Variants in PAN3 observed in about 807,000 individuals in gnomAD.
PAN3 encodes poly(A) specific ribonuclease subunit PAN3.
PAN3 carries 19 observed loss-of-function variants against 96.2 expected under a neutral mutation model. The ratio of observed to expected loss-of-function variants is 0.20; its 90% CI spans 0.14 to 0.29. The LOEUF (loss-of-function observed/expected upper bound fraction) is 0.29. Ranked by LOEUF, PAN3 falls within the 10% of genes least tolerant of loss-of-function variation. The probability of loss-of-function intolerance (pLI) is 1.00; values close to 1 mark genes in which losing one functional copy is unlikely to be tolerated. For missense variants in PAN3, 882 were observed against 1,108.1 expected, an observed-to-expected ratio of 0.80 and a Z score of 2.90; for synonymous variants, 433 against 406.6, an observed-to-expected ratio of 1.06 and a Z score of -0.78.
intron 7 of PAN3, among the ~76,000 whole-genome samples, chr13:28,257,402 A>G (rs1264522204): frequency 2.0e-5 from 3 of 151,966 alleles, no homozygotes; most frequent in Admixed American, 6.6e-5. Flanking sequence ...TAGTAGATGA[A>G]GTGAGTGAGA....
chr13:28,257,727 AT>A (rs1478745869), intron 7 of PAN3, among the ~76,000 whole-genome samples: 1 of 137,106 alleles, frequency 7.3e-6, no homozygotes, highest in African/African-American at 2.8e-5. Context: ...ATTAATATAT[AT>A]TATATATAAA....
intron 17 of PAN3, among the ~76,000 whole-genome samples, chr13:28,285,319 C>T (rs765712276): frequency 7.2e-5 from 11 of 152,150 alleles, no homozygotes; most frequent in Non-Finnish European, 1.5e-4. Flanking sequence ...ACTTTCAGTA[C>T]ATAGGTAAGT....
In PAN3 at chr13:28,145,103, C is replaced by T. The variant is rs1870454062; in HGVS notation, c.430+6016C>T. ...TTATTTTGAGATAATTATAGAATCA[C>T]CCGAAATTGTAAGATACAATACGGA... On this transcript the variant is annotated intron_variant, in intron 1 of 18. Coordinates refer to ENST00000380958, the MANE Select transcript of PAN3 (RefSeq NM_175854.8). Among the ~76,000 whole-genome samples, 4 of 152,082 alleles carry T rather than the reference C, an allele frequency of 2.6e-5. No homozygotes were observed. The South Asian group carries it at 8.3e-4, about 31-fold the overall frequency.
intron 15 of PAN3, among the ~76,000 whole-genome samples, chr13:28,279,843 A>G (rs1887324277): frequency 1.3e-5 from 2 of 151,468 alleles, no homozygotes; most frequent in Admixed American, 1.3e-4. Flanking sequence ...TTTGTTGCCC[A>G]GGCTGGAGTG....
chr13:28,223,531 C>T (rs1247305579), intron 6 of PAN3, among the ~76,000 whole-genome samples: 7 of 151,586 alleles, frequency 4.6e-5, no homozygotes, highest in Admixed American at 4.6e-4. Flanking sequence ...CACAGCCTTC[C>T]AAAATTTAAG....
chr13:28,153,390 C>T (rs1032178094), intron 1 of PAN3, among the ~76,000 whole-genome samples: 2 of 151,974 alleles, frequency 1.3e-5, no homozygotes, highest in African/African-American at 4.8e-5. Context: ...CACCCACCAC[C>T]ATGCCTGGCT....
chr13:28,178,065 C>G (rs2138120646), intron 4 of PAN3, 130 bp downstream of exon 4: 1 of 725,070 alleles, frequency 1.4e-6, no homozygotes, highest in East Asian at 2.8e-5. Context: ...TTTTTCCTGC[C>G]TTTTGTTTAT....
chr13:28,213,937 C>G (rs1439476628), intron 5 of PAN3, among the ~76,000 whole-genome samples: 1 of 152,024 alleles, frequency 6.6e-6, no homozygotes, highest in Non-Finnish European at 1.5e-5. Flanking sequence ...AGTATGTATT[C>G]CTGAGTACAT....
chr13:28,292,460 T>G lies in PAN3; in HGVS notation c.2602T>G (p.Leu868Val). Residue 868 changes from leucine to valine, a missense_variant, in exon 19 of 19, where the codon TTA (leucine) becomes GTA (valine). Physicochemically the swap from Leu to Val is conservative, Grantham distance 32. Around this residue, in one of 3 missense-constraint regions of PAN3, gnomAD observed 76 missense variants for 171.7 expected, o/e 0.44. Transcript: ENST00000380958. ...TGTACTTGTGGTGACCTACAGTGAC[T>G]TAAAGCGCTGCTTTGAAAATACTTT... The part of the protein sequence containing the change: ...KSVLVVTYSD[L>V]KRCFENTFQE... The G allele has an allele frequency of 6.2e-7, 1 of 1,612,848 alleles. No individual in the cohort carries two copies. The highest frequency in any genetic ancestry group is 8.5e-7 in the Non-Finnish European group (1 of 1,179,624).
chr13:28,231,483 G>T (rs1019097933), intron 6 of PAN3, among the ~76,000 whole-genome samples: 3 of 152,038 alleles, frequency 2.0e-5, no homozygotes, highest in Non-Finnish European at 4.4e-5. Flanking sequence ...AAAGCTTTAA[G>T]GTACTTAATT....
intron 3 of PAN3, among the ~76,000 whole-genome samples, chr13:28,177,323 T>C (rs1875149368): frequency 6.6e-6 from 1 of 152,202 alleles, no homozygotes; most frequent in Non-Finnish European, 1.5e-5. Flanking sequence ...ATTATTTCTG[T>C]CTTAACTTAA....
chr13:28,266,480 T>G (rs1886189063), intron 9 of PAN3, among the ~76,000 whole-genome samples: 2 of 152,258 alleles, frequency 1.3e-5, no homozygotes, highest in South Asian at 4.1e-4. Flanking sequence ...AGGAAATGTT[T>G]TTGAATGTAT....
At chr13:28,289,749 A>G (rs1248980035) in intron 18 of PAN3, among the ~76,000 whole-genome samples, 1 of 152,140 alleles carries the variant, frequency 6.6e-6, no homozygotes, top group Non-Finnish European at 1.5e-5. Context: ...GGGCATGGTG[A>G]CAGGCACCAG....
At chr13:28,201,971 CCTT>C (rs1383112805) in intron 5 of PAN3, among the ~76,000 whole-genome samples, 2 of 152,140 alleles carry the variant, frequency 1.3e-5, no homozygotes, top group African/African-American at 4.8e-5. Context: ...CTCCTATACT[CCTT>C]CTTCAGTTTA....
At chr13:28,218,773 TAA>T (rs1881076771) in intron 5 of PAN3, among the ~76,000 whole-genome samples, 2 of 152,222 alleles carry the variant, frequency 1.3e-5, no homozygotes, top group African/African-American at 4.8e-5. Context: ...AGAAACTGGG[TAA>T]TACCTGTTTC....
intron 5 of PAN3, among the ~76,000 whole-genome samples, chr13:28,218,968 C>G (rs1333772470): frequency 2.6e-5 from 4 of 152,154 alleles, no homozygotes; most frequent in Non-Finnish European, 5.9e-5. Context: ...CTGGGACATA[C>G]CGGCCCTGAC....
chr13:28,206,926 C>G (rs1879444628), intron 5 of PAN3, among the ~76,000 whole-genome samples: 1 of 152,086 alleles, frequency 6.6e-6, no homozygotes, highest in South Asian at 2.1e-4. Flanking sequence ...TCCTAGTCCT[C>G]TGCACTCATT....
At chr13:28,235,696 T>TAA (rs149707343) in intron 6 of PAN3, among the ~76,000 whole-genome samples, 3 of 140,736 alleles carry the variant, frequency 2.1e-5, no homozygotes, top group Non-Finnish European at 3.0e-5. Flanking sequence ...CACACACACA[T>TAA]ACACACACAC....
At chr13:28,189,298 A>G (rs1453160789) in intron 4 of PAN3, among the ~76,000 whole-genome samples, 2 of 152,266 alleles carry the variant, frequency 1.3e-5, no homozygotes, top group Non-Finnish European at 2.9e-5. Flanking sequence ...CGGGTGGATC[A>G]TGAAGTCAGG....
Sources: gnomAD v4.1 joint callset for allele counts (sites outside exome capture counted in the v4.1 genomes callset) on GRCh38, gnomAD v4.1.1 for gene constraint, gnomAD v4.1.1 regional missense constraint, MANE v1.5 for transcripts, NCBI Gene and HGNC (gene_info 2026-07-23, HGNC 2026-07-21) for gene names.